Variants in CEACAM21 observed in about 807,000 individuals in gnomAD.
CEACAM21 encodes the protein CEA cell adhesion molecule 21.
CEACAM21 carries 38 observed loss-of-function variants against 33.2 expected under a neutral mutation model. The ratio of observed to expected loss-of-function variants is 1.14; its 90% CI spans 0.88 to 1.50. The LOEUF (loss-of-function observed/expected upper bound fraction) is 1.50. Among genes scored for constraint, CEACAM21 ranks in the 40% most tolerant of loss-of-function variants. The pLI is 0.00. For missense variants in CEACAM21, 385 were observed against 364.6 expected (o/e 1.06, Z -0.46); for synonymous variants, 156 against 143.0 (o/e 1.09, Z -0.65).
rs2122322592 is a variant in CEACAM21 at position 41,586,582 on chromosome 19, G to T, written c.*119G>T. 1.7e-6 allele frequency: 1 copy of T among 603,780 alleles called. No homozygotes were observed. 37.4% of individuals were successfully genotyped at this position (603,780 alleles called of 1,614,324 possible). A position where few individuals can be genotyped will look rare whatever the true frequency, so the allele number is the denominator to read the frequency against. ...TGATGGAGCGTCCCTGAAGCCCCCA[G>T]CCCTGGGGATGGGGAAGGACATGGA... On this transcript the variant is annotated 3_prime_UTR_variant, in exon 7 of 7. Transcript: ENST00000401445.
chr19:41,584,307 A>G, intron 3 of CEACAM21, 40 bp from the exon 4 acceptor site: 1 of 1,561,202 alleles, frequency 6.4e-7, no homozygotes, highest in Non-Finnish European at 8.8e-7. Flanking sequence ...TTCCCCCTGG[A>G]ACAGATTTGG....
chr19:41,583,304 A>G (rs143876720), intron 3 of CEACAM21, among the ~76,000 whole-genome samples: 97 of 152,254 alleles, frequency 6.4e-4, no homozygotes, highest in Admixed American at 9.2e-4. Flanking sequence ...CCATATCACT[A>G]TCAGCGTTTT....
Position 41,584,375 on chromosome 19 carries a change from C to T in CEACAM21, c.729C>T (p.Ile243=), listed in dbSNP as rs373575632. 5.3e-5 allele frequency: 85 copies of T among 1,611,574 alleles called. No homozygotes were observed. In the Middle Eastern group the frequency reaches 9.9e-4, roughly 19 times the overall value. The change falls in exon 4 of 7, where the codon ATC becomes ATT. Residue 243 remains isoleucine (I), a synonymous_variant. Transcript: ENST00000401445. ...KSDDNTLGIL[I]GVLVGSLLVA... is the part of the protein sequence containing the mutation. ...ATGACAACACTCTAGGCATCCTGAT[C>T]GGGGTCCTGGTTGGGAGTCTTCTGG... is the stretch of plus-strand genomic sequence containing the variant.
At chr19:41,574,717 T>C (rs566974805), upstream of CEACAM21, among the ~76,000 whole-genome samples, 1 of 152,268 alleles carries the variant, frequency 6.6e-6, no homozygotes, top group Admixed American at 6.5e-5. Flanking sequence ...GTAGAGAAAA[T>C]GGAACCCTCG....
At chr19:41,584,573 C>T (rs1356636726) in intron 4 of CEACAM21, 130 bp downstream of exon 4, 2 of 780,372 alleles carry the variant, frequency 2.6e-6, no homozygotes, top group African/African-American at 1.7e-5. Flanking sequence ...CCTTCCCTCT[C>T]ATTCCATGGC....
chr19:41,579,567 G>C lies in CEACAM21; in HGVS notation c.639G>C (p.Gln213His), dbSNP rs782732603. The stretch of plus-strand genomic sequence containing the variant: ...GGCAGGAGGACGCTGGGGAGTATCA[G>C]TGTGAGGTCTCCAACCCAGTCAGCT... Reference protein sequence around the residue: ...PIRQEDAGEYQCEVSNPVSSN... With the variant: ...PIRQEDAGEYHCEVSNPVSSN... Residue 213 changes from glutamine to histidine, a missense_variant, in exon 3 of 7, where the codon CAG (glutamine) becomes CAC (histidine). Physicochemically the swap from Gln to His is conservative, Grantham distance 24 (BLOSUM62 0). Transcript: ENST00000401445. 3 of 1,601,392 alleles carry C rather than the reference G, an allele frequency of 1.9e-6. No individual in the cohort carries two copies. In the African/African-American group the frequency reaches 4.0e-5, roughly 21 times the overall value.
upstream of CEACAM21, among the ~76,000 whole-genome samples, chr19:41,571,344 G>A (rs890643863): frequency 6.6e-6 from 1 of 152,220 alleles, no homozygotes; most frequent in African/African-American, 2.4e-5. Context: ...GGCATGTTTA[G>A]AGATGATGCC....
chr19:41,572,692 G>A (rs1568598723), upstream of CEACAM21, among the ~76,000 whole-genome samples: 1 of 152,108 alleles, frequency 6.6e-6, no homozygotes, highest in Non-Finnish European at 1.5e-5. Context: ...CCTGCCTGGG[G>A]TCTGTACCAC....
chr19:41,551,020 C>T (rs557289787), intron 1 of CEACAM21, among the ~76,000 whole-genome samples: 42 of 152,304 alleles, frequency 2.8e-4, no homozygotes, highest in African/African-American at 1.0e-3. Context: ...GTGATCTCAG[C>T]AATGCCCATG....
intron 1 of CEACAM21, among the ~76,000 whole-genome samples, chr19:41,559,811 G>A (rs529103277): frequency 1.3e-5 from 2 of 152,268 alleles, no homozygotes; most frequent in South Asian, 2.1e-4. Context: ...CCAGAACTGG[G>A]TCAGGCAGGA....
chr19:41,586,275 C>G, intron 6 of CEACAM21, 189 bp from the exon 7 acceptor site: 1 of 524,278 alleles, frequency 1.9e-6, no homozygotes, highest in South Asian at 1.8e-5. Context: ...TCTGGCTGAG[C>G]TGAAGTTCAG....
chr19:41,558,179 A>G (rs569693476), intron 1 of CEACAM21, among the ~76,000 whole-genome samples: 1 of 152,342 alleles, frequency 6.6e-6, no homozygotes, highest in East Asian at 1.9e-4. Flanking sequence ...AAAACAGAAA[A>G]CAAAATGCTT....
Position 41,576,713 on chromosome 19 carries a change from C to T in CEACAM21, c.64+375C>T, listed in dbSNP as rs548491052. ...GCCCTGGGAACGCTCATGAACTCAT[C>T]CACAGGAGTCTGCAGCCTGTCCCAG... On this transcript the variant is annotated intron_variant, in intron 1 of 6. Transcript: ENST00000401445. Among the ~76,000 whole-genome samples, 32 of 152,316 alleles carry T rather than the reference C, an allele frequency of 2.1e-4. No homozygotes were observed. The South Asian group carries it at 5.4e-3, about 26-fold the overall frequency.
upstream of CEACAM21, among the ~76,000 whole-genome samples, chr19:41,575,796 C>G (rs1242595426): frequency 6.6e-6 from 1 of 152,192 alleles, no homozygotes; most frequent in Non-Finnish European, 1.5e-5. Flanking sequence ...CTTTCTAGCC[C>G]CCAGAGCCAC....
At chr19:41,558,416 G>A (rs2041671024) in intron 1 of CEACAM21, among the ~76,000 whole-genome samples, 1 of 152,272 alleles carries the variant, frequency 6.6e-6, no homozygotes, top group South Asian at 2.1e-4. Flanking sequence ...GGGAGGCCGA[G>A]GCAGGTAGAT....
chr19:41,558,112 T>G (rs1483228917), intron 1 of CEACAM21, among the ~76,000 whole-genome samples: 1 of 152,196 alleles, frequency 6.6e-6, no homozygotes, highest in Non-Finnish European at 1.5e-5. Context: ...CTTTTTTCAG[T>G]GTTACTCTCC....
intron 2 of CEACAM21, among the ~76,000 whole-genome samples, chr19:41,578,248 G>C (rs1022145740): frequency 6.6e-6 from 1 of 151,522 alleles, no homozygotes; most frequent in Non-Finnish European, 1.5e-5. Flanking sequence ...AGGGAAAGCA[G>C]AGAAAAGACA....
intron 2 of CEACAM21, among the ~76,000 whole-genome samples, chr19:41,568,988 T>C (rs1035195299): frequency 1.4e-4 from 21 of 152,232 alleles, no homozygotes; most frequent in Admixed American, 6.5e-5. Context: ...ATCAATGTTT[T>C]ACAGTTTTCA....
chr19:41,565,972 G>T (rs1373069373), intron 2 of CEACAM21, among the ~76,000 whole-genome samples: 1 of 138,670 alleles, frequency 7.2e-6, no homozygotes. Flanking sequence ...GGGGGGCGGG[G>T]GGGGTGGGGT....
Sources: gnomAD v4.1 joint callset for allele counts (sites outside exome capture counted in the v4.1 genomes callset) on GRCh38, gnomAD v4.1.1 for gene constraint, MANE v1.5 for transcripts, NCBI Gene and HGNC (gene_info 2026-07-23, HGNC 2026-07-21) for gene names.